USP13: variants seen among roughly 807,000 people sequenced by gnomAD.
USP13 encodes ubiquitin carboxyl-terminal hydrolase 13.
Under a neutral mutation model 107.8 loss-of-function variants are expected in USP13, and 68 were observed. The observed-to-expected ratio is 0.63, with a 90% confidence interval of 0.52 to 0.77. The LOEUF is 0.77. Among genes scored for constraint, USP13 ranks in the 30% least tolerant of loss-of-function variants. USP13 has a pLI of 0.00. For synonymous variants in USP13, 377 were observed against 389.5 expected, an observed-to-expected ratio of 0.97 and a Z score of 0.38; for missense variants, 945 against 1,093.3, an observed-to-expected ratio of 0.86 and a Z score of 1.91.
At chr3:179,719,212 C>T (rs1560060904) in intron 6 of USP13, among the ~76,000 whole-genome samples, 1 of 152,032 alleles carries the variant, frequency 6.6e-6, no homozygotes, top group East Asian at 1.9e-4. Flanking sequence ...GATGTGGATC[C>T]CAGAGGCCCT....
chr3:179,703,598 G>GA (rs556912084), intron 4 of USP13, among the ~76,000 whole-genome samples: 97 of 152,070 alleles, frequency 6.4e-4, no homozygotes, highest in Middle Eastern at 6.8e-3. Flanking sequence ...GCTCCCTAGG[G>GA]AAAAAAAGCT....
rs756646941 is a variant in USP13, at chr3:179,764,196, T to C, written c.2259+28T>C. On this transcript the variant is annotated intron_variant, in intron 18 of 20. Coordinates refer to ENST00000263966, the MANE Select transcript of USP13 (RefSeq NM_003940.3). ...GAGCATGAGAGACTGTGTGTGTGTG[T>C]GTGTGTGTGTGTGTGTGTGAATTTA... The C allele has an allele frequency of 1.4e-5, 22 of 1,573,674 alleles. 1 individual carries two copies. The South Asian group carries it at 2.5e-4, about 18-fold the overall frequency.
rs779893407 is a variant in USP13 at position 179,757,055 on chromosome 3, G to A, written c.1925G>A (p.Arg642His). ...PIVIPDDSKD[R>H]LMNQLIDPSD... is the part of the protein sequence containing the mutation. ...TGTCCTCTCCCTTAATTTCCAGATC[G>A]CCTGATGAACCAATTGATAGACCGT... is the stretch of plus-strand genomic sequence containing the variant. Residue 642 changes from arginine to histidine, a missense_variant, in exon 16 of 21, where the codon CGC becomes CAC. Transcript: ENST00000263966. 1.2e-4 allele frequency: 198 copies of A among 1,613,790 alleles called. No individual in the cohort carries two copies. Among genetic ancestry groups the A allele is most frequent in the Middle Eastern group, 6.6e-4 (4 of 6,084 alleles).
intron 1 of USP13, among the ~76,000 whole-genome samples, chr3:179,658,950 G>A (rs1720371673): frequency 6.6e-6 from 1 of 152,232 alleles, no homozygotes; most frequent in African/African-American, 2.4e-5. Flanking sequence ...ACAATCAGCT[G>A]CATACAGTGG....
chr3:179,707,035 C>A lies in USP13; in HGVS notation c.579C>A (p.Asn193Lys), dbSNP rs145278369. 137 of 1,614,026 alleles carry A rather than the reference C, an allele frequency of 8.5e-5. No homozygotes were observed. The highest frequency in any genetic ancestry group is 1.2e-4 in the Non-Finnish European group (136 of 1,180,028). The change falls in exon 5 of 21, where the codon AAC (asparagine) becomes AAA (lysine). Residue 193 changes from asparagine (N) to lysine (K), a missense_variant. Transcript: ENST00000263966. ...AATTGCCAGTATCTAAATATGCCAA[C>A]AACCTCACCCAGCTGGACAATGGAG... Reference protein sequence around the residue: ...ENELPVSKYANNLTQLDNGVR... With the variant: ...ENELPVSKYAKNLTQLDNGVR...
intron 6 of USP13, 96 bp from the exon 7 acceptor site, chr3:179,719,844 C>A: frequency 1.0e-6 from 1 of 978,776 alleles, no homozygotes; most frequent in South Asian, 1.7e-5. Flanking sequence ...GTGATATAGC[C>A]CAAGCCTGGT....
chr3:179,679,843 CAAT>C (rs1457781515), intron 1 of USP13, among the ~76,000 whole-genome samples: 8 of 106,922 alleles, frequency 7.5e-5, no homozygotes, highest in Non-Finnish European at 1.4e-4. Context: ...GTAGAAATAA[CAAT>C]AAGCAACTTG....
chr3:179,666,313 C>T (rs1433874759), intron 1 of USP13, among the ~76,000 whole-genome samples: 1 of 152,220 alleles, frequency 6.6e-6, no homozygotes, highest in Non-Finnish European at 1.5e-5. Context: ...TTGTGTAAAG[C>T]TGCTGAGTTG....
chr3:179,691,820 T>G (rs2108465179), intron 3 of USP13, among the ~76,000 whole-genome samples: 1 of 152,352 alleles, frequency 6.6e-6, no homozygotes, highest in Non-Finnish European at 1.5e-5. Flanking sequence ...TTTATGCAAG[T>G]GACTACTGAT....
At chr3:179,781,686 G>A in intron 19 of USP13, 53 bp from the exon 20 acceptor site, 2 of 1,497,250 alleles carry the variant, frequency 1.3e-6, no homozygotes, top group Non-Finnish European at 1.9e-6. Flanking sequence ...AACCAGAAGT[G>A]CTCTTCATTC....
intron 15 of USP13, among the ~76,000 whole-genome samples, chr3:179,756,445 C>A (rs9814519): frequency 6.6e-4 from 88 of 133,178 alleles, no homozygotes; most frequent in African/African-American, 2.3e-3. Context: ...AACAAACAAA[C>A]AAAAAATACA....
At chr3:179,681,606 C>T (rs189029271) in intron 1 of USP13, among the ~76,000 whole-genome samples, 1 of 151,050 alleles carries the variant, frequency 6.6e-6, no homozygotes, top group East Asian at 2.0e-4. Context: ...CATTCCTGGA[C>T]GTGCTTTGAG....
chr3:179,759,752 C>T (rs982970270), intron 16 of USP13, among the ~76,000 whole-genome samples: 1 of 152,160 alleles, frequency 6.6e-6, no homozygotes. Context: ...CAGCCCACTG[C>T]AACCTCTGCC....
intron 19 of USP13, among the ~76,000 whole-genome samples, chr3:179,769,066 C>G (rs1364682654): frequency 1.3e-5 from 2 of 152,054 alleles, no homozygotes; most frequent in Non-Finnish European, 2.9e-5. Flanking sequence ...CCTTTTTAGA[C>G]AAATGTATAA....
intron 3 of USP13, among the ~76,000 whole-genome samples, chr3:179,690,857 C>A (rs781425790): frequency 2.6e-5 from 4 of 152,186 alleles, no homozygotes; most frequent in African/African-American, 9.7e-5. Context: ...CCACTGCACC[C>A]GGCCAATTTT....
At chr3:179,687,039 A>G (rs755974264) in intron 2 of USP13, among the ~76,000 whole-genome samples, 2 of 152,138 alleles carry the variant, frequency 1.3e-5, no homozygotes, top group Non-Finnish European at 2.9e-5. Flanking sequence ...GGTTATCCAT[A>G]TTTTTGTTTA....
intron 17 of USP13, among the ~76,000 whole-genome samples, chr3:179,761,826 A>T (rs1000835868): frequency 6.6e-6 from 1 of 152,254 alleles, no homozygotes; most frequent in African/African-American, 2.4e-5. Context: ...AAAGACCAAT[A>T]GAAAGATACG....
chr3:179,782,853 C>A (rs1037898630), intron 20 of USP13, among the ~76,000 whole-genome samples: 1 of 152,182 alleles, frequency 6.6e-6, no homozygotes, highest in African/African-American at 2.4e-5. Flanking sequence ...TCAAGCAATT[C>A]TCCTGCCTCA....
chr3:179,723,378 G>A (rs952703237), intron 8 of USP13, among the ~76,000 whole-genome samples: 4 of 152,140 alleles, frequency 2.6e-5, no homozygotes, highest in African/African-American at 9.7e-5. Flanking sequence ...GGTCAGTGGT[G>A]AACACAAGGA....
Sources: gnomAD v4.1 joint callset for allele counts (sites outside exome capture counted in the v4.1 genomes callset) on GRCh38, gnomAD v4.1.1 for gene constraint, MANE v1.5 for transcripts, NCBI Gene and HGNC (gene_info 2026-07-23, HGNC 2026-07-21) for gene names.